Variants in DCTN1 observed in about 807,000 individuals in gnomAD.
DCTN1 encodes the protein 150 kDa dynein-associated polypeptide.
Under a neutral mutation model 161.2 loss-of-function variants are expected in DCTN1, and 61 were observed. The ratio of observed to expected loss-of-function variants is 0.38; its 90% confidence interval spans 0.31 to 0.47. The LOEUF (loss-of-function observed/expected upper bound fraction) is 0.47, where lower values mean the gene tolerates loss of function less well. Among genes scored for constraint, DCTN1 ranks in the 20% least tolerant of loss-of-function variants. The pLI is 0.99. For synonymous variants in DCTN1, 653 were observed against 632.4 expected (o/e 1.03, Z -0.49); for missense variants, 1,404 against 1,623.7 (o/e 0.86, Z 2.33).
rs186503067 is a variant in DCTN1, at chr2:74,390,473, T to C, written c.-19+1321A>G. 75 of 225,924 alleles carry C rather than the reference T, an allele frequency of 3.3e-4. No individual in the cohort carries two copies. In the Admixed American group the frequency reaches 3.4e-3, roughly 10 times the overall value. The allele number at this position is 225,924 out of a possible 1,614,324, so 14.0% of individuals were successfully genotyped here. A position where few individuals can be genotyped will look rare whatever the true frequency, so the allele number is the denominator to read the frequency against. On this transcript the variant is annotated intron_variant, in intron 1 of 27. Transcript: ENST00000409240. Reference sequence around the variant, plus strand: ...AAGCCAAGCTGCAAAATTTGCCAAATTGGCAAGAATATTTCAGATAGAATT... The same window carrying C: ...AAGCCAAGCTGCAAAATTTGCCAAACTGGCAAGAATATTTCAGATAGAATT...
intron 16 of DCTN1, 108 bp from the exon 17 acceptor site, chr2:74,368,239 T>C: frequency 1.4e-6 from 2 of 1,445,442 alleles, no homozygotes; most frequent in Non-Finnish European, 1.9e-6. Flanking sequence ...TGGACACACA[T>C]GGGAGAGAAA....
At chr2:74,365,756 C>G (rs1674360248) in intron 24 of DCTN1, 99 bp from the exon 25 acceptor site, 1 of 1,610,964 alleles carries the variant, frequency 6.2e-7, no homozygotes, top group African/African-American at 1.3e-5. Flanking sequence ...GAGGGCTCAC[C>G]ACAGCTCCCA....
At position 74,371,688 on chromosome 2, in the gene DCTN1, C is replaced by T. The variant is rs780506435; in HGVS notation, c.494G>A (p.Ser165Asn). 3 of 1,606,962 alleles carry T rather than the reference C, an allele frequency of 1.9e-6. No individual in the cohort carries two copies. The change falls in exon 8 of 32, where the codon AGC becomes AAC. Residue 165 changes from serine (S) to asparagine (N), a missense_variant. Around this residue, in one of 9 missense-constraint regions of DCTN1, gnomAD observed 174 missense variants for 175.6 expected, o/e 0.99. Transcript: ENST00000628224. The stretch of plus-strand genomic sequence containing the variant: ...CGCTGAGCCAGAGGGGCCCAGGGAG[C>T]TACTGGCCCCAGCCACCCCAGTACT... ...PASTGVAGAS[S>N]SLGPSGSASA...
chr2:74,370,390 A>C lies in DCTN1; in HGVS notation c.1128-45T>G. 1 of 1,614,100 alleles carries C rather than the reference A, an allele frequency of 6.2e-7. No individual in the cohort carries two copies. The highest frequency in any genetic ancestry group is 8.5e-7 in the Non-Finnish European group (1 of 1,180,010). On this transcript the variant is annotated intron_variant, in intron 11 of 31. Coordinates refer to ENST00000628224, the MANE Select transcript of DCTN1 (RefSeq NM_004082.5). The surrounding 1 kb of genome is among the most constrained non-coding windows in gnomAD (Gnocchi z 4.4). ...GCAGAAGGAGGAAAGCACGTGTCAG[A>C]GTCTCTGGCGATGGGTGCTCTAACA... is the stretch of plus-strand genomic sequence containing the variant.
chr2:74,374,726 T>C, intron 5 of DCTN1: 1 of 1,173,782 alleles, frequency 8.5e-7, no homozygotes, highest in South Asian at 1.7e-5. Context: ...TCCATGGGGG[T>C]GGAGCCACTG....
At chr2:74,362,801 G>T in intron 29 of DCTN1, 72 bp from the exon 30 acceptor site, 1 of 1,471,976 alleles carries the variant, frequency 6.8e-7, no homozygotes, top group Non-Finnish European at 9.4e-7. Context: ...AGGGTTAGGG[G>T]TGCAGGTATA....
At chr2:74,388,657 C>T (rs1675852067) in intron 1 of DCTN1, among the ~76,000 whole-genome samples, 1 of 152,208 alleles carries the variant, frequency 6.6e-6, no homozygotes, top group Non-Finnish European at 1.5e-5. Flanking sequence ...CATTTCAATA[C>T]CACATTCTAT....
chr2:74,375,024 C>T (rs1195545749), intron 5 of DCTN1, among the ~76,000 whole-genome samples: 4 of 152,050 alleles, frequency 2.6e-5, no homozygotes, highest in Admixed American at 2.6e-4. Context: ...CTACCCACAG[C>T]CCCATTAACT....
chr2:74,386,671 C>T (rs576391049), intron 1 of DCTN1: 2 of 152,318 alleles, frequency 1.3e-5, no homozygotes, highest in South Asian at 4.1e-4. Flanking sequence ...GATAACCTTG[C>T]TGAAAAAGAA....
chr2:74,368,690 A>C (rs769427361), intron 16 of DCTN1, 38 bp downstream of exon 16: 3 of 1,614,040 alleles, frequency 1.9e-6, no homozygotes, highest in African/African-American at 2.7e-5. Flanking sequence ...TGGCAAGTTC[A>C]CTAGATTTCT....
rs944820350 is a variant in DCTN1, at chr2:74,369,864, TG to T, written c.1392+100del. 45 of 1,123,750 alleles carry T rather than the reference TG, an allele frequency of 4.0e-5. No individual in the cohort carries two copies. Among genetic ancestry groups the T allele is most frequent in the Non-Finnish European group, 5.8e-5 (43 of 744,318 alleles). The allele number at this position is 1,123,750 out of a possible 1,614,324, so 69.6% of individuals were successfully genotyped here. On this transcript the variant is annotated intron_variant, in intron 13 of 31. Coordinates refer to ENST00000628224, the MANE Select transcript of DCTN1 (RefSeq NM_004082.5). The surrounding 1 kb of genome is among the most constrained non-coding windows in gnomAD (Gnocchi z 4.9). Reference sequence around the variant, plus strand: ...CAGGGTCAGGGTAGCAAGCCCAGGCTGGGTCCCTCACCGCACACCCTGCTCA... The same window carrying T: ...CAGGGTCAGGGTAGCAAGCCCAGGCTGGTCCCTCACCGCACACCCTGCTCA...
chr2:74,379,891 G>A lies in DCTN1; in HGVS notation c.33+114C>T, dbSNP rs544700185. The A allele has an allele frequency of 2.8e-6, 3 of 1,082,102 alleles. No individual in the cohort carries two copies. The South Asian group carries it at 3.9e-5, about 14-fold the overall frequency. The allele number at this position is 1,082,102 out of a possible 1,614,324, so 67.0% of individuals were successfully genotyped here. On this transcript the variant is annotated intron_variant, in intron 1 of 31. Coordinates refer to ENST00000628224, the MANE Select transcript of DCTN1 (RefSeq NM_004082.5). ...GGGCTCCTTAGAAAACACAGTCTGA[G>A]TGCCCTCAGCTGAGCTCCAGCCTAT... is the stretch of plus-strand genomic sequence containing the variant.
chr2:74,368,887 G>C lies in DCTN1; in HGVS notation c.1702-7C>G, dbSNP rs554887316. 6.2e-7 allele frequency: 1 copy of C among 1,614,224 alleles called. No homozygotes were observed. The highest frequency in any genetic ancestry group is 8.5e-7 in the Non-Finnish European group (1 of 1,180,014). ...TCAATTCCATCTCAATTGCCTGTGAGGTGAACAGGGAGGAGGACTCTTAGC... is the reference window on the plus strand; with the variant it reads ...TCAATTCCATCTCAATTGCCTGTGACGTGAACAGGGAGGAGGACTCTTAGC... On this transcript the variant is annotated splice_polypyrimidine_tract_variant and splice_region_variant and intron_variant, in intron 15 of 31. Coordinates refer to ENST00000628224, the MANE Select transcript of DCTN1 (RefSeq NM_004082.5).
intron 18 of DCTN1, 105 bp downstream of exon 18, chr2:74,367,591 C>T (rs1674518255): frequency 1.3e-6 from 2 of 1,569,446 alleles, no homozygotes; most frequent in Admixed American, 3.4e-5. Flanking sequence ...AACCAGGCCT[C>T]AAGCAGCAAG....
intron 28 of DCTN1, 34 bp downstream of exon 28, chr2:74,363,260 T>A: frequency 6.2e-7 from 1 of 1,613,998 alleles, no homozygotes; most frequent in Admixed American, 1.7e-5. Flanking sequence ...ATATGCTCCA[T>A]CTCCCATCCC....
intron 24 of DCTN1, 41 bp from the exon 25 acceptor site, chr2:74,365,698 C>T: frequency 6.2e-7 from 1 of 1,613,926 alleles, no homozygotes; most frequent in Non-Finnish European, 8.5e-7. Context: ...ACATCCTCCC[C>T]ACAGTCCCTG....
Position 74,369,199 on chromosome 2 carries a change from G to C in DCTN1, c.1600C>G (p.Leu534Val), listed in dbSNP as rs1411399793. ...ACAGATGCTTCCTGCTGGTTTGTCA[G>C]TTCCCGATTCACATCCTAGGAGGAG... ...TAHLQDVNRELTNQQEASVER... is the reference protein window; with the variant it reads ...TAHLQDVNREVTNQQEASVER... The change falls in exon 15 of 32, where the codon CTG (leucine) becomes GTG (valine). Residue 534 changes from leucine (L) to valine (V), a missense_variant. Transcript: ENST00000628224. This position sits in a 1 kb window ranked among gnomAD's most constrained non-coding sequence, Gnocchi z 4.9. The C allele has an allele frequency of 1.2e-6, 2 of 1,614,100 alleles. No homozygotes were observed. Among genetic ancestry groups the C allele is most frequent in the East Asian group, 2.2e-5 (1 of 44,896 alleles).
intron 25 of DCTN1, 77 bp from the exon 26 acceptor site, chr2:74,365,318 T>C (rs1293268030): frequency 3.8e-6 from 6 of 1,588,766 alleles, no homozygotes; most frequent in Middle Eastern, 1.7e-4. Flanking sequence ...GAGAGGTCCT[T>C]GGAATAGCCC....
Position 74,373,078 on chromosome 2 carries a change from T to G in DCTN1, c.433-130A>C, listed in dbSNP as rs1214458090. 4 of 779,342 alleles carry G rather than the reference T, an allele frequency of 5.1e-6. No homozygotes were observed. The Admixed American group carries it at 7.9e-5, about 15-fold the overall frequency. The allele number at this position is 779,342 out of a possible 1,614,324, so 48.3% of individuals were successfully genotyped here. On this transcript the variant is annotated intron_variant, in intron 6 of 31. Transcript: ENST00000628224. The stretch of plus-strand genomic sequence containing the variant: ...GGAATGGGGCTACAGTTAGCCACCC[T>G]CCCCCCCATCCCATCCCCTTCTCCC...
Sources: allele counts gnomAD v4.1 joint callset (sites outside exome capture counted in the v4.1 genomes callset), GRCh38; gene constraint gnomAD v4.1.1; regional missense constraint gnomAD v4.1.1; non-coding constraint Gnocchi (gnomAD v3.1); transcripts MANE v1.5; gene names NCBI Gene and HGNC (gene_info 2026-07-23, HGNC 2026-07-21).